The following GUCY2F variants were observed in gnomAD, a reference collection of about 807,000 sequenced individuals.
GUCY2F encodes guanylate cyclase 2F, retinal.
In GUCY2F, 61 loss-of-function variants were observed where a neutral mutation model predicts 73.1. The ratio of observed to expected loss-of-function variants is 0.83; its 90% CI spans 0.68 to 1.03. The LOEUF is 1.03. GUCY2F is among the 50% of genes least tolerant of loss of function. The pLI, the probability that GUCY2F is intolerant of heterozygous loss-of-function variation, is 0.00. For synonymous variants in GUCY2F, 331 were observed against 307.8 expected (o/e 1.08, Z -0.79); for missense variants, 912 against 854.3 (o/e 1.07, Z -0.84).
chrX:109,429,619 A>C (rs1359554627), intron 8 of GUCY2F, among the ~76,000 whole-genome samples: 1 of 111,761 alleles, frequency 8.9e-6, no homozygotes, highest in African/African-American at 3.3e-5. Context: ...AATGTAGAGC[A>C]ATCTGTGATT....
In GUCY2F at chrX:109,460,945, A is replaced by G. The variant is rs778580668; in HGVS notation, c.1032+4197T>C. Among the ~76,000 whole-genome samples the G allele has an allele frequency of 1.1e-4, 12 of 112,180 alleles. No homozygotes were observed. The South Asian group carries it at 4.1e-3, about 38-fold the overall frequency. ...TTAAGGTAAACAAATTAAAAATTGA[A>G]GTAATTATTAACCCCGGTAAAAATG... On this transcript the variant is annotated intron_variant, in intron 3 of 19. Coordinates refer to ENST00000218006, the MANE Select transcript of GUCY2F (RefSeq NM_001522.3).
chrX:109,402,442 G>A (rs1388433159), intron 10 of GUCY2F, among the ~76,000 whole-genome samples: 1 of 106,889 alleles, frequency 9.4e-6, no homozygotes, highest in Non-Finnish European at 1.9e-5. Flanking sequence ...GCGCAGTCTC[G>A]GCTCACTGCA....
chrX:109,467,566 A>G (rs929355661), intron 2 of GUCY2F, among the ~76,000 whole-genome samples: 2 of 112,927 alleles, frequency 1.8e-5, no homozygotes, highest in Admixed American at 1.9e-4. Context: ...TACACGTAGT[A>G]GGTGCTATGG....
rs771414498 is a variant in GUCY2F at position 109,411,575 on chromosome X, T to C, written c.1792-2407A>G. ...TTGAACAAGAATTTCCATCTCAGGC[T>C]CAGATTTTGGGGAATCTGACCTAAG... On this transcript the variant is annotated intron_variant, in intron 8 of 19. Transcript: ENST00000218006. Among the ~76,000 whole-genome samples, 9 of 112,073 alleles carry C rather than the reference T, an allele frequency of 8.0e-5. No homozygotes were observed. In the East Asian group the frequency reaches 2.5e-3, roughly 31 times the overall value.
In GUCY2F at chrX:109,477,057, T is replaced by C. The variant is rs761773919; in HGVS notation, c.-85-1036A>G. 2.2e-3 allele frequency among the ~76,000 whole-genome samples: 244 copies of C among 110,746 alleles called. 1 individual carries two copies. The highest frequency in any genetic ancestry group is 3.6e-3 in the Non-Finnish European group (190 of 52,936). The stretch of plus-strand genomic sequence containing the variant: ...ATCTCTCTAGCAACAATGTGGAGAA[T>C]GAGTTGGAAGAAAGCAAGACTGGAG... On this transcript the variant is annotated intron_variant, in intron 1 of 19. Coordinates refer to ENST00000218006, the MANE Select transcript of GUCY2F (RefSeq NM_001522.3).
At chrX:109,407,749 C>T (rs1017581898) in intron 9 of GUCY2F, among the ~76,000 whole-genome samples, 28 of 113,417 alleles carry the variant, frequency 2.5e-4, no homozygotes, top group Admixed American at 1.8e-3. Flanking sequence ...CTTCAGAGGG[C>T]GGAAGCCCCA....
intron 7 of GUCY2F, among the ~76,000 whole-genome samples, chrX:109,434,024 G>A (rs954444336): frequency 4.5e-5 from 5 of 110,704 alleles, no homozygotes; most frequent in Non-Finnish European, 9.4e-5. Flanking sequence ...GAAGGGAGGC[G>A]GCAGGGAGAG....
At chrX:109,449,437 T>A (rs1932091800) in intron 5 of GUCY2F, among the ~76,000 whole-genome samples, 2 of 111,966 alleles carry the variant, frequency 1.8e-5, no homozygotes, top group Admixed American at 1.9e-4. Flanking sequence ...CCCTAACTGA[T>A]CTGTTTCATA....
At chrX:109,458,181 T>G (rs1932296196) in intron 3 of GUCY2F, among the ~76,000 whole-genome samples, 2 of 112,053 alleles carry the variant, frequency 1.8e-5, no homozygotes, top group African/African-American at 6.5e-5. Context: ...TATTAGTCAC[T>G]TAGCAATGTT....
chrX:109,424,862 G>A (rs1042326827), intron 8 of GUCY2F, among the ~76,000 whole-genome samples: 2 of 110,084 alleles, frequency 1.8e-5, no homozygotes, highest in African/African-American at 3.3e-5. Context: ...TGTCACCCGG[G>A]TTCAAGCAAT....
chrX:109,475,749 C>A lies in GUCY2F; in HGVS notation c.188G>T (p.Cys63Phe). ...CAGGGCCTTTGAAAACAGCGAATCA[C>A]AAGCCCAAGGGCCCACCACCCCTAT... Reference protein sequence around the residue: ...YKIGVVGPWACDSLFSKALPE... With the variant: ...YKIGVVGPWAFDSLFSKALPE... The change falls in exon 2 of 20, where the codon TGT becomes TTT. Residue 63 changes from cysteine (C) to phenylalanine (F), a missense_variant. By Grantham distance (205) the Cys-to-Phe change is radical. Coordinates refer to ENST00000218006, the MANE Select transcript of GUCY2F (RefSeq NM_001522.3). The A allele has an allele frequency of 1.7e-6, 2 of 1,211,085 alleles. No homozygotes were observed. The highest frequency in any genetic ancestry group is 2.2e-6 in the Non-Finnish European group (2 of 894,925).
intron 17 of GUCY2F, among the ~76,000 whole-genome samples, chrX:109,377,044 G>A (rs1332837936): frequency 8.9e-6 from 1 of 112,101 alleles, no homozygotes; most frequent in Non-Finnish European, 1.9e-5. Context: ...GTTCTGAATT[G>A]TTTAACTTAG....
At chrX:109,426,696 G>A (rs1161328342) in intron 8 of GUCY2F, among the ~76,000 whole-genome samples, 1 of 112,531 alleles carries the variant, frequency 8.9e-6, no homozygotes, top group African/African-American at 3.2e-5. Flanking sequence ...GCCAGGTGAA[G>A]CATTTTCAGT....
intron 6 of GUCY2F, among the ~76,000 whole-genome samples, chrX:109,446,869 C>G (rs1311893883): frequency 8.9e-6 from 1 of 111,808 alleles, no homozygotes; most frequent in Non-Finnish European, 1.9e-5. Flanking sequence ...TTTTTGCAAT[C>G]TACCCATCTG....
chrX:109,423,504 T>C (rs903294423), intron 8 of GUCY2F, among the ~76,000 whole-genome samples: 4 of 110,299 alleles, frequency 3.6e-5, no homozygotes, highest in Non-Finnish European at 7.6e-5. Context: ...AGGATAGTGA[T>C]GATTGTTGAA....
intron 8 of GUCY2F, among the ~76,000 whole-genome samples, chrX:109,423,709 TAA>T (rs571749403): frequency 3.1e-5 from 3 of 97,636 alleles, no homozygotes; most frequent in Admixed American, 2.2e-4. Context: ...TGGTTTTTAT[TAA>T]AAAAAAAAAA....
intron 8 of GUCY2F, among the ~76,000 whole-genome samples, chrX:109,429,742 T>A (rs1195735107): frequency 8.9e-6 from 1 of 112,159 alleles, no homozygotes; most frequent in Non-Finnish European, 1.9e-5. Context: ...TTAGGAAGGA[T>A]CATCAGTATC....
chrX:109,434,322 G>C (rs754238180), intron 7 of GUCY2F, among the ~76,000 whole-genome samples: 5 of 110,090 alleles, frequency 4.5e-5, no homozygotes, highest in Non-Finnish European at 9.5e-5. Flanking sequence ...CTGGCAGTCC[G>C]CTCATCTGGC....
chrX:109,480,483 C>T (rs1357236952), intron 1 of GUCY2F, among the ~76,000 whole-genome samples: 1 of 111,033 alleles, frequency 9.0e-6, no homozygotes, highest in Non-Finnish European at 1.9e-5. Context: ...CTTTTGGTGC[C>T]CCTCAGATCA....
Sources: gnomAD v4.1 joint callset for allele counts (sites outside exome capture counted in the v4.1 genomes callset) on GRCh38, gnomAD v4.1.1 for gene constraint, MANE v1.5 for transcripts, NCBI Gene and HGNC (gene_info 2026-07-23, HGNC 2026-07-21) for gene names.